KCND3: variants seen among roughly 807,000 people sequenced by gnomAD.
The protein encoded by KCND3 is A-type voltage-gated potassium channel KCND3.
In KCND3, 9 loss-of-function variants were observed where a neutral mutation model predicts 51.1. The observed-to-expected ratio is 0.18, with a 90% CI of 0.11 to 0.31. The LOEUF is 0.31. KCND3 is among the 10% of genes least tolerant of loss of function. The pLI is 1.00. For missense variants in KCND3, 526 were observed against 903.8 expected, an observed-to-expected ratio of 0.58 and a Z score of 5.36; for synonymous variants, 349 against 368.0, an observed-to-expected ratio of 0.95 and a Z score of 0.59.
At chr1:111,911,935 C>T (rs1319938178) in intron 2 of KCND3, among the ~76,000 whole-genome samples, 1 of 152,204 alleles carries the variant, frequency 6.6e-6, no homozygotes, top group African/African-American at 2.4e-5. Context: ...GGAAGGGGAG[C>T]CAAAACAGAG....
intron 2 of KCND3, among the ~76,000 whole-genome samples, chr1:111,806,751 C>T (rs1665590101): frequency 6.6e-6 from 1 of 152,108 alleles, no homozygotes. Flanking sequence ...AGAGGTGAGC[C>T]CAGTATTCAA....
At chr1:111,980,205 T>A (rs1320931476) in intron 2 of KCND3, among the ~76,000 whole-genome samples, 1 of 134,294 alleles carries the variant, frequency 7.4e-6, no homozygotes. Context: ...ATTTGAAGAG[T>A]GTGTGTGTGT....
chr1:111,981,203 T>C lies in KCND3; in HGVS notation c.1106+418A>G, dbSNP rs542029179. Among the ~76,000 whole-genome samples, 13 of 152,152 alleles carry C rather than the reference T, an allele frequency of 8.5e-5. No homozygotes were observed. The highest frequency in any genetic ancestry group is 1.3e-4 in the Non-Finnish European group (9 of 68,002). On this transcript the variant is annotated intron_variant, in intron 2 of 7. Coordinates refer to ENST00000302127, the MANE Select transcript of KCND3 (RefSeq NM_001378969.1). The surrounding 1 kb of genome is among the most constrained non-coding windows in gnomAD (Gnocchi z 6.2). ...GAGTGCTCTTGGTGTCTTCTGGTAA[T>C]GGACATCTGAACCCTCCGAACTTCT...
At chr1:111,866,255 T>TTCTTTTTTTCTTTCC (rs1668561147) in intron 2 of KCND3, among the ~76,000 whole-genome samples, 1 of 58,764 alleles carries the variant, frequency 1.7e-5, no homozygotes, top group Non-Finnish European at 3.6e-5. Flanking sequence ...CTTTCTTTCT[T>TTCTTTTTTTCTTTCC]TTCTTTTCTT....
intron 2 of KCND3, among the ~76,000 whole-genome samples, chr1:111,975,540 G>C (rs1475468643): frequency 6.6e-6 from 1 of 152,114 alleles, no homozygotes; most frequent in Non-Finnish European, 1.5e-5. Context: ...TTGATTTCTT[G>C]CCTGGATTAT....
chr1:111,932,308 C>T (rs546317903), intron 2 of KCND3, among the ~76,000 whole-genome samples: 2 of 152,312 alleles, frequency 1.3e-5, no homozygotes, highest in Non-Finnish European at 2.9e-5. Flanking sequence ...GGGCTTTATC[C>T]TGCCTCCCAC....
chr1:111,806,965 C>T (rs1186104702), intron 2 of KCND3, among the ~76,000 whole-genome samples: 5 of 152,176 alleles, frequency 3.3e-5, no homozygotes, highest in Admixed American at 2.0e-4. Context: ...GACTTGCAGC[C>T]TTGAATTTGG....
At chr1:111,834,661 CAG>C (rs1666992553) in intron 2 of KCND3, among the ~76,000 whole-genome samples, 1 of 152,246 alleles carries the variant, frequency 6.6e-6, no homozygotes, top group African/African-American at 2.4e-5. Flanking sequence ...ATCAGACTAT[CAG>C]AGACACCAAC....
In KCND3 at chr1:111,778,425, A is replaced by G; in HGVS notation, c.1518+11T>C. ...GAGAAAAACATCAATTGAATTTTTA[A>G]AAAGTTATACCTTGATGGTGGAGGT... is the stretch of plus-strand genomic sequence containing the variant. On this transcript the variant is annotated intron_variant, in intron 6 of 7. Coordinates refer to ENST00000302127, the MANE Select transcript of KCND3 (RefSeq NM_001378969.1). 1.2e-6 allele frequency: 2 copies of G among 1,612,220 alleles called. No individual in the cohort carries two copies. The highest frequency in any genetic ancestry group is 1.7e-6 in the Non-Finnish European group (2 of 1,178,270).
At chr1:111,791,010 C>T (rs1176068261) in intron 2 of KCND3, among the ~76,000 whole-genome samples, 3 of 152,198 alleles carry the variant, frequency 2.0e-5, no homozygotes, top group Admixed American at 2.0e-4. Context: ...TTGAGTTATT[C>T]TGAATAATGC....
Position 111,772,872 on chromosome 1 carries a change from G to T in KCND3, c.*3205C>A, listed in dbSNP as rs1663975810. The T allele has an allele frequency of 6.6e-6, 1 of 152,172 alleles. No individual in the cohort carries two copies. Among genetic ancestry groups the T allele is most frequent in the Non-Finnish European group, 1.5e-5 (1 of 68,024 alleles). The allele number at this position is 152,172 out of a possible 1,614,324, so 9.4% of individuals were successfully genotyped here. A position where few individuals can be genotyped will look rare whatever the true frequency, so the allele number is the denominator to read the frequency against. On this transcript the variant is annotated 3_prime_UTR_variant, in exon 8 of 8. Coordinates refer to ENST00000302127, the MANE Select transcript of KCND3 (RefSeq NM_001378969.1). ...GTTCATGAACTATGAAAGCTCAAGG[G>T]TCATGGCTATTGGCCCCCAGAAAAT...
intron 2 of KCND3, among the ~76,000 whole-genome samples, chr1:111,944,852 T>C (rs950708778): frequency 6.6e-6 from 1 of 152,208 alleles, no homozygotes; most frequent in African/African-American, 2.4e-5. Context: ...GAGGCCCAGG[T>C]TGAACCAGGC....
At chr1:111,948,457 C>G (rs778678219) in intron 2 of KCND3, among the ~76,000 whole-genome samples, 1 of 152,220 alleles carries the variant, frequency 6.6e-6, no homozygotes, top group African/African-American at 2.4e-5. Flanking sequence ...CTGGCCCACA[C>G]TTAAGGATAG....
chr1:111,783,877 G>A (rs1664494594), intron 3 of KCND3, among the ~76,000 whole-genome samples: 1 of 152,238 alleles, frequency 6.6e-6, no homozygotes, highest in Non-Finnish European at 1.5e-5. Flanking sequence ...GAATCATATA[G>A]AATGGAAAAA....
intron 2 of KCND3, among the ~76,000 whole-genome samples, chr1:111,826,465 C>T (rs551851076): frequency 3.5e-4 from 53 of 152,186 alleles, no homozygotes; most frequent in Admixed American, 6.5e-4. Flanking sequence ...GGACACGTGT[C>T]TGCTCTCATG....
chr1:111,909,098 C>T (rs1670796848), intron 2 of KCND3, among the ~76,000 whole-genome samples: 1 of 151,930 alleles, frequency 6.6e-6, no homozygotes, highest in South Asian at 2.1e-4. Context: ...TTCCTGGGCA[C>T]AAGAGGGTCT....
chr1:111,838,048 A>G (rs1557969076), intron 2 of KCND3, among the ~76,000 whole-genome samples: 2 of 152,144 alleles, frequency 1.3e-5, no homozygotes, highest in Admixed American at 6.5e-5. Context: ...ACCTGGGCTG[A>G]GGTCATTTTG....
Position 111,981,978 on chromosome 1 carries a change from C to T in KCND3, c.749G>A (p.Ser250Asn). The T allele has an allele frequency of 6.2e-7, 1 of 1,614,002 alleles. No individual in the cohort carries two copies. Among genetic ancestry groups the T allele is most frequent in the Non-Finnish European group, 8.5e-7 (1 of 1,180,014 alleles). Residue 250 changes from serine to asparagine, a missense_variant, in exon 2 of 8, where the codon AGC becomes AAC. Physicochemically the swap from Ser to Asn is conservative, Grantham distance 46 (BLOSUM62 1). This residue lies in a region of KCND3 where 51 missense variants were observed against 84.7 expected (regional missense o/e 0.60). Transcript: ENST00000302127. This position sits in a 1 kb window ranked among gnomAD's most constrained non-coding sequence, Gnocchi z 6.2. ...GACGCTGCGGATGAAGCGGTAGCGG[C>T]TGGGAGCCGCGAAGAGCCGCAGGAG... is the stretch of plus-strand genomic sequence containing the variant. ...EYLLRLFAAP[S>N]RYRFIRSVMS...
chr1:111,848,772 AG>A (rs1667678075), intron 2 of KCND3, among the ~76,000 whole-genome samples: 1 of 152,200 alleles, frequency 6.6e-6, no homozygotes, highest in African/African-American at 2.4e-5. Context: ...GGATGTGGAT[AG>A]TAAGACCTGA....
Sources: gnomAD v4.1 joint callset for allele counts (sites outside exome capture counted in the v4.1 genomes callset) on GRCh38, gnomAD v4.1.1 for gene constraint, gnomAD v4.1.1 regional missense constraint, Gnocchi (gnomAD v3.1) non-coding constraint, MANE v1.5 for transcripts, NCBI Gene and HGNC (gene_info 2026-07-23, HGNC 2026-07-21) for gene names.